The following PGPEP1 variants were observed in gnomAD, a reference collection of about 807,000 sequenced individuals.
PGPEP1 encodes pyroglutamyl-peptidase 1.
Under a neutral mutation model 24.1 loss-of-function variants are expected in PGPEP1, and 15 were observed. The observed-to-expected ratio is 0.62, with a 90% CI of 0.42 to 0.96. The LOEUF (loss-of-function observed/expected upper bound fraction) is 0.96, where lower values mean the gene tolerates loss of function less well. Ranked by LOEUF, PGPEP1 falls within the 40% of genes least tolerant of loss-of-function variation. The probability of loss-of-function intolerance (pLI) is 0.00; values close to 1 mark genes in which losing one functional copy is unlikely to be tolerated. For synonymous variants in PGPEP1, 122 were observed against 116.4 expected (o/e 1.05, Z -0.31); for missense variants, 242 against 273.4 (o/e 0.89, Z 0.81).
chr19:18,369,656 G>A lies in PGPEP1; in HGVS notation c.*6073G>A, dbSNP rs1971651480. ...CAGGGGAGCACCGGCTTGGTTCTGGGGGCTCCTCTAACATCTCAGGTTTTT... is the reference window on the plus strand; with the variant it reads ...CAGGGGAGCACCGGCTTGGTTCTGGAGGCTCCTCTAACATCTCAGGTTTTT... On this transcript the variant is annotated 3_prime_UTR_variant, in exon 5 of 5. Coordinates refer to ENST00000269919, the MANE Select transcript of PGPEP1 (RefSeq NM_017712.4). 6.6e-6 allele frequency: 1 copy of A among 152,124 alleles called. No homozygotes were observed. The highest frequency in any genetic ancestry group is 1.5e-5 in the Non-Finnish European group (1 of 68,014). The allele number at this position is 152,124 out of a possible 1,614,324, so 9.4% of individuals were successfully genotyped here. A position where few individuals can be genotyped will look rare whatever the true frequency, so the allele number is the denominator to read the frequency against.
At position 18,364,135 on chromosome 19, in the gene PGPEP1, T is replaced by TCTTTCTTTCTTG. The variant is rs1971453916; in HGVS notation, c.*559_*560insTCTTGCTTTCTT. 2 of 127,756 alleles carry TCTTTCTTTCTTG rather than the reference T, an allele frequency of 1.6e-5. No individual in the cohort carries two copies. Among genetic ancestry groups the TCTTTCTTTCTTG allele is most frequent in the Non-Finnish European group, 3.1e-5 (2 of 64,740 alleles). The allele number at this position is 127,756 out of a possible 1,614,324, so 7.9% of individuals were successfully genotyped here. A position where few individuals can be genotyped will look rare whatever the true frequency, so the allele number is the denominator to read the frequency against. The stretch of plus-strand genomic sequence containing the variant: ...TTCTTGCTTTCTTTCTTTCTTGCTT[T>TCTTTCTTTCTTG]CTTTCTTCTCTCTCTCTCTTTTTTT... On this transcript the variant is annotated 3_prime_UTR_variant, in exon 5 of 5. Coordinates refer to ENST00000269919, the MANE Select transcript of PGPEP1 (RefSeq NM_017712.4).
At chr19:18,355,788 C>T in intron 2 of PGPEP1, 107 bp from the exon 3 acceptor site, 1 of 722,850 alleles carries the variant, frequency 1.4e-6, no homozygotes, top group Non-Finnish European at 2.5e-6. Context: ...CCTTGCCATC[C>T]TGCAGAATGA....
intron 2 of PGPEP1, among the ~76,000 whole-genome samples, chr19:18,353,880 C>A (rs1971108027): frequency 6.6e-6 from 1 of 152,116 alleles, no homozygotes; most frequent in African/African-American, 2.4e-5. Context: ...TTTCATTTAT[C>A]CATCTGTTGA....
At chr19:18,363,285 G>T in intron 4 of PGPEP1, 106 bp from the exon 5 acceptor site, 1 of 843,994 alleles carries the variant, frequency 1.2e-6, no homozygotes, top group Non-Finnish European at 1.8e-6. Flanking sequence ...TGGGTTGCTG[G>T]TAAGGTCTTC....
At chr19:18,354,847 T>C (rs1971132683) in intron 2 of PGPEP1, among the ~76,000 whole-genome samples, 1 of 151,580 alleles carries the variant, frequency 6.6e-6, no homozygotes. Context: ...AGTAATAGGA[T>C]AATGGCAGCC....
chr19:18,349,089 A>G (rs983447437), intron 2 of PGPEP1: 28 of 984,080 alleles, frequency 2.8e-5, no homozygotes, highest in Non-Finnish European at 3.3e-5. Context: ...GCAAACACAC[A>G]CATGAACACC....
Position 18,368,933 on chromosome 19 carries a change from A to T in PGPEP1, c.*5350A>T, listed in dbSNP as rs1971629266. The T allele has an allele frequency of 6.6e-6, 1 of 152,252 alleles. No homozygotes were observed. Among genetic ancestry groups the T allele is most frequent in the African/African-American group, 2.4e-5 (1 of 41,418 alleles). The allele number at this position is 152,252 out of a possible 1,614,324, so 9.4% of individuals were successfully genotyped here. A position where few individuals can be genotyped will look rare whatever the true frequency, so the allele number is the denominator to read the frequency against. ...CACCCATCCTCAGCATCCTAACTTG[A>T]GGGGGCAGGAGAGGGCTTTGTTTTT... On this transcript the variant is annotated 3_prime_UTR_variant, in exon 5 of 5. Coordinates refer to ENST00000269919, the MANE Select transcript of PGPEP1 (RefSeq NM_017712.4).
intron 4 of PGPEP1, chr19:18,361,900 A>C: frequency 5.1e-6 from 5 of 984,692 alleles, no homozygotes; most frequent in Non-Finnish European, 6.0e-6. Context: ...GCATCTGGCG[A>C]GTTCTCCATT....
Position 18,363,447 on chromosome 19 carries a change from C to T in PGPEP1, c.494C>T (p.Ala165Val). The T allele has an allele frequency of 6.2e-7, 1 of 1,614,126 alleles. No homozygotes were observed. The highest frequency in any genetic ancestry group is 8.5e-7 in the Non-Finnish European group (1 of 1,179,970). The change falls in exon 5 of 5, where the codon GCC becomes GTC. Residue 165 changes from alanine (A) to valine (V), a missense_variant. Transcript: ENST00000269919. The part of the protein sequence containing the change: ...TSLYQSHGRS[A>V]FVHVPPLGKP... ...TTGTACCAGAGTCACGGTCGATCAG[C>T]CTTCGTCCACGTGCCCCCACTGGGG...
At chr19:18,345,725 C>CA (rs1263995077) in intron 2 of PGPEP1, among the ~76,000 whole-genome samples, 5,838 of 89,548 alleles carry the variant, frequency 0.065, 402 homozygotes, top group East Asian at 0.38. Context: ...GACCCTATCT[C>CA]AAAAAAAAAA....
intron 2 of PGPEP1, among the ~76,000 whole-genome samples, chr19:18,354,095 C>T (rs1374858815): frequency 2.0e-5 from 3 of 152,016 alleles, no homozygotes; most frequent in Non-Finnish European, 2.9e-5. Context: ...ATTAGCTGGG[C>T]GTGATCCCGC....
intron 1 of PGPEP1, among the ~76,000 whole-genome samples, chr19:18,342,525 T>C (rs1311920984): frequency 6.6e-6 from 1 of 152,112 alleles, no homozygotes; most frequent in African/African-American, 2.4e-5. Context: ...GACACAATAA[T>C]TGTAGGTTGA....
intron 1 of PGPEP1, among the ~76,000 whole-genome samples, chr19:18,340,976 C>G (rs1600186595): frequency 1.3e-5 from 2 of 152,182 alleles, no homozygotes; most frequent in South Asian, 4.1e-4. Context: ...GCAGGCCCCC[C>G]TGGCGTCCTT....
chr19:18,360,116 G>A (rs184109800), intron 4 of PGPEP1, among the ~76,000 whole-genome samples: 4 of 151,982 alleles, frequency 2.6e-5, no homozygotes, highest in South Asian at 2.1e-4. Flanking sequence ...GTGATCCCCC[G>A]CCTCAGCCTC....
chr19:18,356,733 C>T (rs1004369148), intron 3 of PGPEP1, among the ~76,000 whole-genome samples: 1 of 151,984 alleles, frequency 6.6e-6, no homozygotes, highest in Non-Finnish European at 1.5e-5. Context: ...GGCAACAGAA[C>T]AAGTCTCTTA....
At chr19:18,351,406 C>G (rs1971018506) in intron 2 of PGPEP1, among the ~76,000 whole-genome samples, 1 of 151,982 alleles carries the variant, frequency 6.6e-6, no homozygotes, top group South Asian at 2.1e-4. Context: ...AGGCGGATCA[C>G]CTGAGGTCGG....
chr19:18,357,730 A>T, intron 4 of PGPEP1, 115 bp downstream of exon 4: 1 of 723,308 alleles, frequency 1.4e-6, no homozygotes, highest in South Asian at 1.7e-5. Context: ...CACTCAGTGT[A>T]TACTAGGCAC....
At chr19:18,349,401 TCCTCCTG>T (rs1970955545) in intron 2 of PGPEP1, among the ~76,000 whole-genome samples, 1 of 151,436 alleles carries the variant, frequency 6.6e-6, no homozygotes, top group Non-Finnish European at 1.5e-5. Context: ...CCTCAAGCAA[TCCTCCTG>T]CCTCAGCCTC....
chr19:18,364,734 T>G lies in PGPEP1; in HGVS notation c.*1151T>G, dbSNP rs1971479838. 6.6e-6 allele frequency: 1 copy of G among 152,164 alleles called. No individual in the cohort carries two copies. Among genetic ancestry groups the G allele is most frequent in the African/African-American group, 2.4e-5 (1 of 41,430 alleles). The allele number at this position is 152,164 out of a possible 1,614,324, so 9.4% of individuals were successfully genotyped here. A position where few individuals can be genotyped will look rare whatever the true frequency, so the allele number is the denominator to read the frequency against. On this transcript the variant is annotated 3_prime_UTR_variant, in exon 5 of 5. Coordinates refer to ENST00000269919, the MANE Select transcript of PGPEP1 (RefSeq NM_017712.4). ...GGGACTGCTGCCCCAGATGTGGCCA[T>G]GGGGGTCGTGGTCCTTTCAACACCA...
Sources: gnomAD v4.1 joint callset for allele counts (sites outside exome capture counted in the v4.1 genomes callset) on GRCh38, gnomAD v4.1.1 for gene constraint, MANE v1.5 for transcripts, NCBI Gene and HGNC (gene_info 2026-07-23, HGNC 2026-07-21) for gene names.